The following DCC variants were observed in gnomAD, a reference collection of about 807,000 sequenced individuals.
The protein encoded by DCC is DCC netrin 1 receptor.
In DCC, 58 loss-of-function variants were observed where a neutral mutation model predicts 172.5. The observed-to-expected ratio is 0.34, with a 90% confidence interval of 0.27 to 0.42. The LOEUF (loss-of-function observed/expected upper bound fraction) is 0.42, where lower values mean the gene tolerates loss of function less well. Ranked by LOEUF, DCC falls within the 10% of genes least tolerant of loss-of-function variation. The pLI, the probability that DCC is intolerant of heterozygous loss-of-function variation, is 1.00. For synonymous variants in DCC, 709 were observed against 644.5 expected, an observed-to-expected ratio of 1.10 and a Z score of -1.52; for missense variants, 1,740 against 1,791.0, an observed-to-expected ratio of 0.97 and a Z score of 0.51.
intron 1 of DCC, among the ~76,000 whole-genome samples, chr18:52,731,918 T>C (rs7230066): frequency 0.04 from 6,164 of 152,270 alleles, 398 homozygotes; most frequent in African/African-American, 0.14. Context: ...ATTTTTGTTC[T>C]ATTGAATTAT....
At chr18:52,634,069 A>T (rs2031003760) in intron 1 of DCC, among the ~76,000 whole-genome samples, 1 of 152,194 alleles carries the variant, frequency 6.6e-6, no homozygotes, top group African/African-American at 2.4e-5. Flanking sequence ...TGTTGGGAGG[A>T]GTCACTCTCT....
intron 2 of DCC, among the ~76,000 whole-genome samples, chr18:52,837,515 G>A (rs561120172): frequency 1.3e-5 from 2 of 152,250 alleles, no homozygotes; most frequent in East Asian, 3.9e-4. Flanking sequence ...TGCATAACGA[G>A]AGTGACCTTT....
chr18:52,516,675 C>T (rs1192730576), intron 1 of DCC, among the ~76,000 whole-genome samples: 1 of 152,170 alleles, frequency 6.6e-6, no homozygotes, highest in African/African-American at 2.4e-5. Flanking sequence ...CATCAAAGTG[C>T]ATTAAATACC....
intron 1 of DCC, among the ~76,000 whole-genome samples, chr18:52,485,857 T>C (rs988419214): frequency 6.6e-6 from 1 of 152,086 alleles, no homozygotes; most frequent in Non-Finnish European, 1.5e-5. Flanking sequence ...TAATCAAAAA[T>C]AAAATAATTT....
At chr18:53,175,069 CA>C (rs1232717600) in intron 8 of DCC, among the ~76,000 whole-genome samples, 2 of 151,832 alleles carry the variant, frequency 1.3e-5, no homozygotes, top group Admixed American at 6.6e-5. Flanking sequence ...GAGCCAAAGA[CA>C]AAAACCACAT....
chr18:52,534,020 T>C (rs1182599327), intron 1 of DCC, among the ~76,000 whole-genome samples: 1 of 152,160 alleles, frequency 6.6e-6, no homozygotes. Context: ...AGCTATGTTG[T>C]GGCGTGCTTT....
intron 1 of DCC, among the ~76,000 whole-genome samples, chr18:52,654,251 T>A (rs2035201484): frequency 6.6e-6 from 1 of 152,114 alleles, no homozygotes; most frequent in Admixed American, 6.6e-5. Context: ...AGAGCAGTAA[T>A]GAAACACTAC....
chr18:53,277,709 C>A (rs1287257189), intron 12 of DCC, among the ~76,000 whole-genome samples: 1 of 152,100 alleles, frequency 6.6e-6, no homozygotes, highest in African/African-American at 2.4e-5. Context: ...AAATAAAGCC[C>A]TCGCTGTACA....
At chr18:52,588,048 C>A (rs2033717377) in intron 1 of DCC, among the ~76,000 whole-genome samples, 2 of 152,208 alleles carry the variant, frequency 1.3e-5, no homozygotes, top group South Asian at 4.1e-4. Context: ...GCACCCAGTT[C>A]ATGACAGGCA....
intron 1 of DCC, among the ~76,000 whole-genome samples, chr18:52,595,270 AAAG>A (rs200258923): frequency 0.041 from 6,238 of 152,210 alleles, 151 homozygotes; most frequent in Non-Finnish European, 0.053. Flanking sequence ...TTCCATCCCC[AAAG>A]AAGGCTGACA....
chr18:52,499,475 A>G (rs941217563), intron 1 of DCC, among the ~76,000 whole-genome samples: 1 of 151,990 alleles, frequency 6.6e-6, no homozygotes, highest in African/African-American at 2.4e-5. Flanking sequence ...TCACTATTTC[A>G]TCTACTTTTT....
chr18:53,321,151 A>AT (rs1555652127), intron 13 of DCC, among the ~76,000 whole-genome samples: 3 of 152,096 alleles, frequency 2.0e-5, no homozygotes, highest in South Asian at 2.1e-4. Flanking sequence ...TTTATTATGC[A>AT]TTTTTTTCTT....
At chr18:53,405,188 AG>A (rs1255549028) in intron 19 of DCC, among the ~76,000 whole-genome samples, 1 of 120,782 alleles carries the variant, frequency 8.3e-6, no homozygotes, top group African/African-American at 2.8e-5. Context: ...AATAATAAAA[AG>A]TAAAAAAAAA....
At chr18:53,512,490 G>T (rs1352722315) in intron 27 of DCC, among the ~76,000 whole-genome samples, 3 of 149,136 alleles carry the variant, frequency 2.0e-5, no homozygotes, top group East Asian at 2.0e-4. Flanking sequence ...AGAGAAGAAG[G>T]CTTCAGACGA....
At chr18:53,075,677 A>C (rs1216997171) in intron 7 of DCC, among the ~76,000 whole-genome samples, 1 of 152,074 alleles carries the variant, frequency 6.6e-6, no homozygotes, top group Non-Finnish European at 1.5e-5. Context: ...TCACCATTTG[A>C]TGAAAGATGT....
chr18:53,073,249 G>A (rs1448960856), intron 7 of DCC, among the ~76,000 whole-genome samples: 3 of 152,098 alleles, frequency 2.0e-5, no homozygotes, highest in Admixed American at 6.5e-5. Context: ...AAATAGGCCC[G>A]GCGCGGTGGC....
At chr18:53,335,039 T>C (rs1367635) in intron 14 of DCC, among the ~76,000 whole-genome samples, 60,917 of 152,078 alleles carry the variant, frequency 0.4, 13,651 homozygotes, top group Non-Finnish European at 0.53. Flanking sequence ...AGGTATACTA[T>C]TGTACATTCC....
At chr18:53,514,466 CAG>C (rs1445059414) in intron 27 of DCC, among the ~76,000 whole-genome samples, 1 of 127,432 alleles carries the variant, frequency 7.8e-6, no homozygotes, top group Non-Finnish European at 1.6e-5. Context: ...CTGAAGGAAA[CAG>C]AGACACAAAA....
At chr18:52,737,475 A>C (rs2036747543) in intron 1 of DCC, among the ~76,000 whole-genome samples, 1 of 152,198 alleles carries the variant, frequency 6.6e-6, no homozygotes, top group African/African-American at 2.4e-5. Flanking sequence ...ATTAAAACAC[A>C]CTTAGTAAGA....
Sources: allele counts gnomAD v4.1 joint callset (sites outside exome capture counted in the v4.1 genomes callset), GRCh38; gene constraint gnomAD v4.1.1; transcripts MANE v1.5; gene names NCBI Gene and HGNC (gene_info 2026-07-23, HGNC 2026-07-21).